Variants in CLRN1 observed in about 807,000 individuals in gnomAD.
The protein encoded by CLRN1 is clarin 1, also known as clarin-1.
Under a neutral mutation model 18.7 loss-of-function variants are expected in CLRN1, and 15 were observed. The ratio of observed to expected loss-of-function variants is 0.80; its 90% CI spans 0.54 to 1.23. The LOEUF is 1.23. Among genes scored for constraint, CLRN1 ranks in the 50% most tolerant of loss-of-function variants. The pLI is 0.00. For synonymous variants in CLRN1, 104 were observed against 102.9 expected, an observed-to-expected ratio of 1.01 and a Z score of -0.07; for missense variants, 311 against 277.5, an observed-to-expected ratio of 1.12 and a Z score of -0.86.
chr3:150,929,099 A>G (rs2107929482), intron 2 of CLRN1, among the ~76,000 whole-genome samples: 1 of 152,308 alleles, frequency 6.6e-6, no homozygotes, highest in African/African-American at 2.4e-5. Context: ...CAACCTCTAG[A>G]TTTTTATGTG....
chr3:150,937,157 A>T (rs1188651410), intron 2 of CLRN1, among the ~76,000 whole-genome samples: 1 of 152,114 alleles, frequency 6.6e-6, no homozygotes, highest in Non-Finnish European at 1.5e-5. Flanking sequence ...AGGCAATACT[A>T]TTGTATATTA....
chr3:150,942,638 A>G (rs1444652335), intron 1 of CLRN1: 4 of 452,938 alleles, frequency 8.8e-6, no homozygotes, highest in Admixed American at 7.2e-5. Flanking sequence ...AGAGCTTATA[A>G]CCTAATGGGA....
intron 1 of CLRN1, among the ~76,000 whole-genome samples, chr3:150,952,362 A>G (rs961878031): frequency 6.6e-6 from 1 of 152,120 alleles, no homozygotes; most frequent in African/African-American, 2.4e-5. Context: ...AGCAACCGAT[A>G]CTCTACAGTG....
At chr3:150,946,815 T>C (rs1270221248) in intron 1 of CLRN1, among the ~76,000 whole-genome samples, 1 of 150,888 alleles carries the variant, frequency 6.6e-6, no homozygotes, top group East Asian at 2.0e-4. Flanking sequence ...GTTACATACA[T>C]ATACATGTGC....
Position 150,972,645 on chromosome 3 carries a change from G to T in CLRN1, c.64C>A (p.Leu22Ile). 6.2e-7 allele frequency: 1 copy of T among 1,614,158 alleles called. No individual in the cohort carries two copies. Among genetic ancestry groups the T allele is most frequent in the East Asian group, 2.2e-5 (1 of 44,886 alleles). The change falls in exon 1 of 3, where the codon CTC (leucine) becomes ATC (isoleucine). Residue 22 changes from leucine to isoleucine, a missense_variant. Transcript: ENST00000327047. Reference sequence around the variant, plus strand: ...GTCCCCAAGGCTGTCACAACTCCGAGGGCACATGCAAAACTGAACACTCCG... The same window carrying T: ...GTCCCCAAGGCTGTCACAACTCCGATGGCACATGCAAAACTGAACACTCCG... ...MAGVFSFACA[L>I]GVVTALGTPL...
chr3:150,928,311 A>G (rs1712945048), intron 2 of CLRN1, 110 bp from the exon 3 acceptor site: 2 of 1,319,592 alleles, frequency 1.5e-6, no homozygotes, highest in South Asian at 1.3e-5. Context: ...CCCCATTGAC[A>G]TTATCCACAC....
intron 1 of CLRN1, among the ~76,000 whole-genome samples, chr3:150,957,670 G>T (rs60122003): frequency 0.097 from 14,809 of 152,044 alleles, 1,000 homozygotes; most frequent in East Asian, 0.28. Context: ...TTTTTAGGGG[G>T]TCGGTGGGGA....
rs142869793 is a variant in CLRN1 at position 150,963,141 on chromosome 3, A to T, written c.253+9315T>A. Among the ~76,000 whole-genome samples, 186 of 152,340 alleles carry T rather than the reference A, an allele frequency of 1.2e-3. 1 individual carries two copies. The highest frequency in any genetic ancestry group is 4.1e-3 in the African/African-American group (169 of 41,576). ...GTCAAATTGTCTCTGTTTGCAGATG[A>T]GATGATTGTATATTTAGAAAACCCT... On this transcript the variant is annotated intron_variant, in intron 1 of 2. Transcript: ENST00000327047.
intron 2 of CLRN1, among the ~76,000 whole-genome samples, chr3:150,928,791 A>G (rs751548606): frequency 1.4e-4 from 22 of 152,250 alleles, no homozygotes; most frequent in Non-Finnish European, 3.1e-4. Context: ...TGTTTGTAAC[A>G]GAATTCAGAT....
intron 2 of CLRN1, chr3:150,940,491 G>C: frequency 1.3e-6 from 2 of 1,534,908 alleles, no homozygotes; most frequent in Non-Finnish European, 1.7e-6. Context: ...CTTGAGCCTG[G>C]TGCCTGGTAG....
intron 2 of CLRN1, among the ~76,000 whole-genome samples, chr3:150,935,285 C>A (rs976228467): frequency 9.6e-6 from 1 of 104,648 alleles, no homozygotes; most frequent in Non-Finnish European, 2.0e-5. Flanking sequence ...CTAATGCTAT[C>A]CCTCCCCCCT....
At chr3:150,930,649 T>G (rs1713088416) in intron 2 of CLRN1, among the ~76,000 whole-genome samples, 1 of 152,198 alleles carries the variant, frequency 6.6e-6, no homozygotes, top group Non-Finnish European at 1.5e-5. Flanking sequence ...TGTTTTCTCT[T>G]TATCTTTTAT....
At chr3:150,944,433 G>T (rs1231261388) in intron 1 of CLRN1, among the ~76,000 whole-genome samples, 7 of 152,036 alleles carry the variant, frequency 4.6e-5, no homozygotes, top group Non-Finnish European at 8.8e-5. Context: ...AGGGGGTGGG[G>T]AAGAACAAAT....
intron 1 of CLRN1, among the ~76,000 whole-genome samples, chr3:150,967,931 A>G (rs1436727905): frequency 1.3e-5 from 2 of 152,222 alleles, no homozygotes; most frequent in African/African-American, 4.8e-5. Context: ...TGCCTCATTT[A>G]GTAAAGAAAC....
At chr3:150,950,401 G>A (rs1449781161) in intron 1 of CLRN1, among the ~76,000 whole-genome samples, 2 of 152,164 alleles carry the variant, frequency 1.3e-5, no homozygotes, top group African/African-American at 4.8e-5. Flanking sequence ...GAAAATATTT[G>A]CAAGCTATAC....
At chr3:150,972,261 T>C (rs1313712525) in intron 1 of CLRN1, among the ~76,000 whole-genome samples, 195 bp downstream of exon 1, 1 of 152,172 alleles carries the variant, frequency 6.6e-6, no homozygotes, top group Non-Finnish European at 1.5e-5. Flanking sequence ...TAACTCTATA[T>C]TATAATAAAA....
intron 1 of CLRN1, among the ~76,000 whole-genome samples, chr3:150,961,876 G>A (rs1715056311): frequency 6.6e-6 from 1 of 152,100 alleles, no homozygotes; most frequent in Non-Finnish European, 1.5e-5. Context: ...CTCAGGTATT[G>A]AGCCAAGCTT....
At chr3:150,934,016 C>A (rs182585407) in intron 2 of CLRN1, among the ~76,000 whole-genome samples, 4 of 152,288 alleles carry the variant, frequency 2.6e-5, no homozygotes, top group East Asian at 1.9e-4. Flanking sequence ...TCAGGCTCTG[C>A]GGCTTTGATG....
intron 1 of CLRN1, among the ~76,000 whole-genome samples, chr3:150,953,022 C>T (rs951455802): frequency 5.9e-5 from 9 of 152,068 alleles, no homozygotes; most frequent in African/African-American, 2.2e-4. Flanking sequence ...GTTTTCTGAC[C>T]AACACTAATT....
Sources: gnomAD v4.1 joint callset for allele counts (sites outside exome capture counted in the v4.1 genomes callset) on GRCh38, gnomAD v4.1.1 for gene constraint, MANE v1.5 for transcripts, NCBI Gene and HGNC (gene_info 2026-07-23, HGNC 2026-07-21) for gene names.